Variants in DPP10 observed in about 807,000 individuals in gnomAD.
DPP10 encodes dipeptidyl peptidase like 10.
DPP10 carries 33 observed loss-of-function variants against 120.9 expected under a neutral mutation model. That is an observed-to-expected ratio of 0.27 (90% CI 0.21 to 0.37). The LOEUF (loss-of-function observed/expected upper bound fraction) is 0.37. Among genes scored for constraint, DPP10 ranks in the 10% least tolerant of loss-of-function variants. The pLI is 1.00. For synonymous variants in DPP10, 337 were observed against 326.1 expected, an observed-to-expected ratio of 1.03 and a Z score of -0.36; for missense variants, 816 against 942.8, an observed-to-expected ratio of 0.87 and a Z score of 1.76.
chr2:115,551,091 A>G (rs1461319164), intron 5 of DPP10, among the ~76,000 whole-genome samples: 2 of 151,996 alleles, frequency 1.3e-5, no homozygotes. Context: ...CCATTGGTTC[A>G]CTCTCACAGA....
intron 1 of DPP10, among the ~76,000 whole-genome samples, chr2:114,786,423 A>C (rs1682772729): frequency 6.6e-6 from 1 of 152,208 alleles, no homozygotes; most frequent in Admixed American, 6.5e-5. Flanking sequence ...TCGAGAAGCG[A>C]GAGAAAGGTG....
intron 1 of DPP10, among the ~76,000 whole-genome samples, chr2:114,806,844 A>G (rs1056563228): frequency 6.6e-6 from 1 of 152,082 alleles, no homozygotes. Flanking sequence ...TTGTTTATTG[A>G]ACTCTCCAGC....
intron 9 of DPP10, among the ~76,000 whole-genome samples, chr2:115,742,084 C>T (rs1428999647): frequency 6.6e-6 from 1 of 152,064 alleles, no homozygotes; most frequent in African/African-American, 2.4e-5. Context: ...TTCAGGGAGA[C>T]TTTCCACTTG....
chr2:114,949,677 T>C (rs1697631655), intron 1 of DPP10, among the ~76,000 whole-genome samples: 1 of 152,146 alleles, frequency 6.6e-6, no homozygotes, highest in African/African-American at 2.4e-5. Context: ...CCCCAAATTC[T>C]CTGTCTTGGG....
chr2:115,073,499 G>T (rs1248323146), intron 1 of DPP10, among the ~76,000 whole-genome samples: 2 of 152,212 alleles, frequency 1.3e-5, no homozygotes, highest in Non-Finnish European at 2.9e-5. Context: ...CTGTTAGAGG[G>T]CAGTTCCTTC....
At chr2:115,080,882 G>GAAT in intron 1 of DPP10, among the ~76,000 whole-genome samples, 1 of 152,134 alleles carries the variant, frequency 6.6e-6, no homozygotes, top group Non-Finnish European at 1.5e-5. Context: ...CAGCATTCCT[G>GAAT]AAATGTTCTC....
intron 1 of DPP10, among the ~76,000 whole-genome samples, chr2:114,906,480 C>T (rs925193759): frequency 4.0e-5 from 6 of 151,718 alleles, no homozygotes; most frequent in African/African-American, 7.2e-5. Flanking sequence ...CCATTTTTAA[C>T]GTGATGTTAG....
intron 7 of DPP10, among the ~76,000 whole-genome samples, chr2:115,723,724 A>G (rs1035092769): frequency 2.6e-5 from 4 of 151,946 alleles, no homozygotes; most frequent in African/African-American, 9.7e-5. Flanking sequence ...AAATGGGAAT[A>G]ACACATTATA....
At chr2:115,573,472 C>T (rs1454248084) in intron 5 of DPP10, among the ~76,000 whole-genome samples, 2 of 150,350 alleles carry the variant, frequency 1.3e-5, no homozygotes, top group Non-Finnish European at 3.0e-5. Context: ...TTAGTAGAGG[C>T]GGGGTTTCAC....
chr2:115,212,287 A>G (rs1338704239), intron 1 of DPP10, among the ~76,000 whole-genome samples: 1 of 152,166 alleles, frequency 6.6e-6, no homozygotes, highest in Non-Finnish European at 1.5e-5. Context: ...GCAGTTTTAT[A>G]TTAAGCAAAG....
chr2:115,225,640 G>A (rs2057399012), intron 1 of DPP10, among the ~76,000 whole-genome samples: 1 of 151,638 alleles, frequency 6.6e-6, no homozygotes, highest in Non-Finnish European at 1.5e-5. Flanking sequence ...AGTTTCCTAG[G>A]GACATACATG....
chr2:115,692,016 G>T (rs1167728717), intron 7 of DPP10, among the ~76,000 whole-genome samples: 1 of 152,026 alleles, frequency 6.6e-6, no homozygotes, highest in African/African-American at 2.4e-5. Context: ...AAATAATTCT[G>T]TGTAGACTAT....
At chr2:115,568,774 G>T (rs1391587548) in intron 5 of DPP10, among the ~76,000 whole-genome samples, 1 of 151,994 alleles carries the variant, frequency 6.6e-6, no homozygotes, top group South Asian at 2.1e-4. Flanking sequence ...AGCTCATTCT[G>T]CTACCCTTCT....
intron 5 of DPP10, among the ~76,000 whole-genome samples, chr2:115,581,993 G>A (rs2082026722): frequency 6.6e-6 from 1 of 152,184 alleles, no homozygotes; most frequent in Non-Finnish European, 1.5e-5. Flanking sequence ...GTGAGAGACT[G>A]AGGCAAGTTT....
intron 10 of DPP10, among the ~76,000 whole-genome samples, chr2:115,752,451 A>G (rs7421279): frequency 0.085 from 12,991 of 152,262 alleles, 605 homozygotes; most frequent in South Asian, 0.13. Flanking sequence ...CATAAATTAT[A>G]TCTTTATTAT....
intron 3 of DPP10, among the ~76,000 whole-genome samples, chr2:115,429,142 A>T (rs2070747430): frequency 6.6e-6 from 1 of 152,096 alleles, no homozygotes; most frequent in African/African-American, 2.4e-5. Flanking sequence ...AAATTTTAAT[A>T]AATAAAGGAG....
chr2:115,517,323 A>G (rs2077557766), intron 4 of DPP10, among the ~76,000 whole-genome samples: 1 of 152,156 alleles, frequency 6.6e-6, no homozygotes, highest in Non-Finnish European at 1.5e-5. Flanking sequence ...CAACTTTTAA[A>G]TTAATTCACT....
At chr2:115,183,624 TA>T (rs2054230009) in intron 1 of DPP10, among the ~76,000 whole-genome samples, 1 of 152,238 alleles carries the variant, frequency 6.6e-6, no homozygotes, top group African/African-American at 2.4e-5. Context: ...CAATCTTTAT[TA>T]AGTTGATTGG....
chr2:115,279,090 T>G, intron 1 of DPP10, among the ~76,000 whole-genome samples: 1 of 152,114 alleles, frequency 6.6e-6, no homozygotes, highest in East Asian at 1.9e-4. Context: ...AAATTCAAGT[T>G]AGACTTCACC....
Sources: gnomAD v4.1 joint callset for allele counts (sites outside exome capture counted in the v4.1 genomes callset) on GRCh38, gnomAD v4.1.1 for gene constraint, MANE v1.5 for transcripts, NCBI Gene and HGNC (gene_info 2026-07-23, HGNC 2026-07-21) for gene names.